Variants in CLSTN2 observed in about 807,000 individuals in gnomAD.
CLSTN2 encodes calsyntenin-2.
Under a neutral mutation model 101.2 loss-of-function variants are expected in CLSTN2, and 48 were observed. The observed-to-expected ratio is 0.47, with a 90% confidence interval of 0.38 to 0.60. The LOEUF (loss-of-function observed/expected upper bound fraction) is 0.60. Ranked by LOEUF, CLSTN2 falls within the 20% of genes least tolerant of loss-of-function variation. CLSTN2 has a pLI of 0.00. For missense variants in CLSTN2, 1,160 were observed against 1,238.2 expected, an observed-to-expected ratio of 0.94 and a Z score of 0.95; for synonymous variants, 481 against 463.6, an observed-to-expected ratio of 1.04 and a Z score of -0.48.
At chr3:140,223,872 T>G (rs1159653155) in intron 2 of CLSTN2, among the ~76,000 whole-genome samples, 1 of 152,188 alleles carries the variant, frequency 6.6e-6, no homozygotes, top group Non-Finnish European at 1.5e-5. Context: ...TTAATGAGGA[T>G]CAAGTCAAAT....
chr3:140,562,968 C>T lies in CLSTN2; in HGVS notation c.2358+12C>T. 1 of 1,613,806 alleles carries T rather than the reference C, an allele frequency of 6.2e-7. No individual in the cohort carries two copies. Among genetic ancestry groups the T allele is most frequent in the African/African-American group, 1.3e-5 (1 of 75,024 alleles). On this transcript the variant is annotated intron_variant, in intron 14 of 16. Coordinates refer to ENST00000458420, the MANE Select transcript of CLSTN2 (RefSeq NM_022131.3). The stretch of plus-strand genomic sequence containing the variant: ...AGTTCAACTTGGAGGTGAGTGGGTC[C>T]TGCCATTGTTAGGGAAGCCAAGGCT...
At chr3:140,114,605 T>C (rs948338146) in intron 1 of CLSTN2, among the ~76,000 whole-genome samples, 2 of 152,170 alleles carry the variant, frequency 1.3e-5, no homozygotes, top group Non-Finnish European at 2.9e-5. Flanking sequence ...TGGCAGAATG[T>C]ACGCATTCAA....
chr3:140,208,041 T>C (rs1479475265), intron 2 of CLSTN2, among the ~76,000 whole-genome samples: 1 of 152,172 alleles, frequency 6.6e-6, no homozygotes, highest in Non-Finnish European at 1.5e-5. Context: ...CCAGATTTTT[T>C]GCAAAAATAT....
intron 5 of CLSTN2, among the ~76,000 whole-genome samples, chr3:140,432,350 C>G (rs546325148): frequency 1.3e-5 from 2 of 152,280 alleles, no homozygotes; most frequent in East Asian, 3.9e-4. Flanking sequence ...AGAACAGCAG[C>G]GCTTTTTAGT....
intron 2 of CLSTN2, among the ~76,000 whole-genome samples, chr3:140,246,652 T>C (rs2086520498): frequency 6.6e-6 from 1 of 152,210 alleles, no homozygotes; most frequent in South Asian, 2.1e-4. Context: ...GTGATATTGT[T>C]ATTTTCTTAA....
In CLSTN2 at chr3:140,348,859, G is replaced by A. The variant is rs79565380; in HGVS notation, c.233-54770G>A. On this transcript the variant is annotated intron_variant, in intron 2 of 16. Transcript: ENST00000458420. ...CACAGAGATGTTCTCTGTAGCTTAG[G>A]CAGTCTCTCCCCTGTTCTCCCAGTC... Among the ~76,000 whole-genome samples, 1,266 of 152,232 alleles carry A rather than the reference G, an allele frequency of 8.3e-3. 8 individuals are homozygous for A. The highest frequency in any genetic ancestry group is 0.012 in the Non-Finnish European group (819 of 68,008).
intron 1 of CLSTN2, among the ~76,000 whole-genome samples, chr3:140,041,326 C>T (rs1045242424): frequency 6.6e-6 from 1 of 152,066 alleles, no homozygotes; most frequent in Non-Finnish European, 1.5e-5. Context: ...GGTGCATGTG[C>T]GAAGGTTTTT....
At chr3:140,397,942 A>G (rs983590815) in intron 2 of CLSTN2, among the ~76,000 whole-genome samples, 1 of 152,242 alleles carries the variant, frequency 6.6e-6, no homozygotes, top group African/African-American at 2.4e-5. Flanking sequence ...CAAAAGTCTC[A>G]TGCATTAATA....
intron 2 of CLSTN2, among the ~76,000 whole-genome samples, chr3:140,203,461 G>GTTTTTTTTTTT (rs58182333): frequency 4.4e-5 from 3 of 67,916 alleles, no homozygotes; most frequent in Non-Finnish European, 8.3e-5. Context: ...GAAAGTGTGG[G>GTTTTTTTTTTT]TTTTTTTTTT....
chr3:140,229,076 C>T (rs1201679983), intron 2 of CLSTN2, among the ~76,000 whole-genome samples: 1 of 152,112 alleles, frequency 6.6e-6, no homozygotes, highest in Non-Finnish European at 1.5e-5. Context: ...GAGAGAGGAA[C>T]CTGAGCCCCA....
At chr3:140,203,097 T>A (rs1454751371) in intron 2 of CLSTN2, among the ~76,000 whole-genome samples, 2 of 152,192 alleles carry the variant, frequency 1.3e-5, no homozygotes, top group African/African-American at 4.8e-5. Flanking sequence ...CAAATTGGAA[T>A]GTGTCGTGGG....
intron 8 of CLSTN2, among the ~76,000 whole-genome samples, chr3:140,521,547 T>C (rs988501924): frequency 5.9e-5 from 9 of 152,156 alleles, no homozygotes; most frequent in African/African-American, 2.2e-4. Context: ...GAACTGCACC[T>C]ATAAGAGGTG....
At chr3:139,985,338 A>G (rs1221758797) in intron 1 of CLSTN2, among the ~76,000 whole-genome samples, 1 of 152,180 alleles carries the variant, frequency 6.6e-6, no homozygotes, top group East Asian at 1.9e-4. Context: ...TGTATAAGTA[A>G]GGAAAGACAA....
chr3:140,067,027 A>G (rs1219799968), intron 1 of CLSTN2, among the ~76,000 whole-genome samples: 1 of 152,208 alleles, frequency 6.6e-6, no homozygotes, highest in African/African-American at 2.4e-5. Flanking sequence ...CCCTTTCCCC[A>G]ACATCCAGTC....
chr3:140,515,263 T>C (rs1934895194), intron 8 of CLSTN2, among the ~76,000 whole-genome samples: 1 of 152,180 alleles, frequency 6.6e-6, no homozygotes, highest in Admixed American at 6.5e-5. Context: ...CTTTTCTTGG[T>C]TAATCTTACT....
intron 1 of CLSTN2, among the ~76,000 whole-genome samples, chr3:140,171,752 GTATAATATA>G (rs2010227450): frequency 2.1e-5 from 2 of 94,516 alleles, no homozygotes; most frequent in East Asian, 4.9e-4. Flanking sequence ...TATATAATAT[GTATAATATA>G]TAATATATAA....
intron 5 of CLSTN2, among the ~76,000 whole-genome samples, chr3:140,430,902 G>A (rs951095473): frequency 5.3e-5 from 8 of 152,148 alleles, no homozygotes; most frequent in East Asian, 1.9e-4. Context: ...ATTCAAATTC[G>A]TATCAGCCTA....
chr3:140,250,033 A>G (rs1425454691), intron 2 of CLSTN2, among the ~76,000 whole-genome samples: 1 of 152,248 alleles, frequency 6.6e-6, no homozygotes, highest in Non-Finnish European at 1.5e-5. Flanking sequence ...AAGAAATTGC[A>G]AATATTCCTT....
intron 1 of CLSTN2, among the ~76,000 whole-genome samples, chr3:139,991,444 CT>C (rs1232757224): frequency 6.6e-6 from 1 of 152,132 alleles, no homozygotes; most frequent in East Asian, 1.9e-4. Context: ...AGACAATAAG[CT>C]TCTCCTTATA....
Sources: gnomAD v4.1 joint callset for allele counts (sites outside exome capture counted in the v4.1 genomes callset) on GRCh38, gnomAD v4.1.1 for gene constraint, MANE v1.5 for transcripts, NCBI Gene and HGNC (gene_info 2026-07-23, HGNC 2026-07-21) for gene names.